The following NRG1 variants were observed in gnomAD, a reference collection of about 807,000 sequenced individuals.
The protein encoded by NRG1 is neuregulin 1.
A neutral mutation model predicts 63.8 loss-of-function variants in NRG1; 18 were observed. That is an observed-to-expected ratio of 0.28 (90% CI 0.19 to 0.42). The LOEUF (loss-of-function observed/expected upper bound fraction) is 0.42, where lower values mean the gene tolerates loss of function less well. Among genes scored for constraint, NRG1 ranks in the 10% least tolerant of loss-of-function variants. The probability of loss-of-function intolerance (pLI) is 1.00; values close to 1 mark genes in which losing one functional copy is unlikely to be tolerated. For synonymous variants in NRG1, 302 were observed against 301.3 expected, an observed-to-expected ratio of 1.00 and a Z score of -0.02; for missense variants, 762 against 814.7, an observed-to-expected ratio of 0.94 and a Z score of 0.79.
chr8:31,643,095 GA>G (rs1039952268), intron 1 of NRG1, among the ~76,000 whole-genome samples: 2 of 152,040 alleles, frequency 1.3e-5, no homozygotes, highest in Non-Finnish European at 2.9e-5. Flanking sequence ...CAGAAAAATG[GA>G]AAAGAGAGAG....
chr8:32,242,432 C>T (rs1848197301), intron 1 of NRG1, among the ~76,000 whole-genome samples: 1 of 152,046 alleles, frequency 6.6e-6, no homozygotes, highest in Non-Finnish European at 1.5e-5. Flanking sequence ...CGAGATCGTG[C>T]AATTGCACTC....
At chr8:32,558,882 C>G (rs1056200183) in intron 1 of NRG1, among the ~76,000 whole-genome samples, 7 of 151,720 alleles carry the variant, frequency 4.6e-5, no homozygotes, top group Admixed American at 3.9e-4. Flanking sequence ...GGATTCAAGA[C>G]CAGCCTGGGC....
At chr8:32,500,455 C>T (rs762230258) in intron 1 of NRG1, among the ~76,000 whole-genome samples, 12 of 152,240 alleles carry the variant, frequency 7.9e-5, no homozygotes, top group Admixed American at 2.0e-4. Flanking sequence ...GCTTTGTAAG[C>T]GTTGGTGCCA....
At chr8:32,212,527 A>G (rs2035632) in intron 1 of NRG1, among the ~76,000 whole-genome samples, 121,874 of 152,072 alleles carry the variant, frequency 0.8, 49,585 homozygotes, top group African/African-American at 0.92. Context: ...GTGGTCAGTA[A>G]GTACCATATT....
At chr8:32,212,746 C>T (rs117927375) in intron 1 of NRG1, among the ~76,000 whole-genome samples, 1 of 152,088 alleles carries the variant, frequency 6.6e-6, no homozygotes, top group Admixed American at 6.5e-5. Context: ...TACTTGAAAT[C>T]AACATTCCAG....
At chr8:32,583,548 C>G (rs1266658351) in intron 1 of NRG1, among the ~76,000 whole-genome samples, 1 of 152,166 alleles carries the variant, frequency 6.6e-6, no homozygotes, top group Non-Finnish European at 1.5e-5. Context: ...AAAGATACTT[C>G]TAGTAGAGTG....
chr8:32,648,344 A>G (rs1854152838), intron 5 of NRG1: 1 of 1,614,028 alleles, frequency 6.2e-7, no homozygotes, highest in South Asian at 1.1e-5. Context: ...CAACTCAGCC[A>G]CAAACAACAG....
chr8:32,746,735 A>G (rs1244623362), intron 7 of NRG1, among the ~76,000 whole-genome samples: 1 of 152,154 alleles, frequency 6.6e-6, no homozygotes, highest in Non-Finnish European at 1.5e-5. Flanking sequence ...TTTAATTTGA[A>G]AAATGTAGTG....
chr8:32,390,703 C>T (rs1336366005), intron 1 of NRG1, among the ~76,000 whole-genome samples: 12 of 152,106 alleles, frequency 7.9e-5, no homozygotes, highest in Non-Finnish European at 1.8e-4. Context: ...ACAATGCCCA[C>T]GTCCTCCATC....
At chr8:31,998,148 C>G (rs1238038001) in intron 1 of NRG1, among the ~76,000 whole-genome samples, 1 of 151,894 alleles carries the variant, frequency 6.6e-6, no homozygotes, top group Admixed American at 6.6e-5. Context: ...AGGATGGCTC[C>G]CCATTGGGTA....
intron 1 of NRG1, among the ~76,000 whole-genome samples, chr8:32,585,338 G>A (rs1193137568): frequency 1.3e-5 from 2 of 152,160 alleles, no homozygotes; most frequent in African/African-American, 4.8e-5. Flanking sequence ...TTTCAGTGAA[G>A]CTTGCTGGAC....
At chr8:32,626,988 C>T (rs1849418754) in intron 5 of NRG1, among the ~76,000 whole-genome samples, 1 of 151,868 alleles carries the variant, frequency 6.6e-6, no homozygotes, top group Non-Finnish European at 1.5e-5. Flanking sequence ...CCACTGCACT[C>T]TGGCCTGGGT....
intron 1 of NRG1, among the ~76,000 whole-genome samples, chr8:32,385,062 C>G (rs1259616029): frequency 1.3e-5 from 2 of 152,216 alleles, no homozygotes; most frequent in Non-Finnish European, 2.9e-5. Context: ...CTCTGTCACC[C>G]AGGCTGGAGT....
intron 1 of NRG1, among the ~76,000 whole-genome samples, chr8:32,305,897 T>C (rs1382840823): frequency 6.6e-6 from 1 of 152,220 alleles, no homozygotes; most frequent in African/African-American, 2.4e-5. Context: ...AGGCAGTCTT[T>C]GGTTCTCATC....
chr8:32,463,582 C>A (rs769846568), intron 1 of NRG1, among the ~76,000 whole-genome samples: 5 of 152,016 alleles, frequency 3.3e-5, no homozygotes, highest in Non-Finnish European at 5.9e-5. Flanking sequence ...GTGGCTTATG[C>A]CTGGAACCAT....
At chr8:32,126,271 G>A (rs1834054940) in intron 1 of NRG1, among the ~76,000 whole-genome samples, 1 of 151,864 alleles carries the variant, frequency 6.6e-6, no homozygotes, top group Non-Finnish European at 1.5e-5. Context: ...ATGATAGAAT[G>A]TGTAACCACT....
At chr8:32,068,349 C>T (rs1310628926) in intron 1 of NRG1, among the ~76,000 whole-genome samples, 1 of 152,092 alleles carries the variant, frequency 6.6e-6, no homozygotes, top group Non-Finnish European at 1.5e-5. Context: ...GGTGAAGAAA[C>T]CTGGACATGA....
intron 1 of NRG1, among the ~76,000 whole-genome samples, chr8:32,015,367 T>G (rs988343950): frequency 2.0e-5 from 3 of 152,166 alleles, no homozygotes. Flanking sequence ...CTTAGTTTCC[T>G]GGAAACCAAA....
intron 1 of NRG1, among the ~76,000 whole-genome samples, chr8:32,090,047 A>T (rs1828873686): frequency 6.6e-6 from 1 of 152,196 alleles, no homozygotes; most frequent in South Asian, 2.1e-4. Context: ...AAGCTCTTGT[A>T]TATTGACAAG....
Sources: gnomAD v4.1 joint callset for allele counts (sites outside exome capture counted in the v4.1 genomes callset) on GRCh38, gnomAD v4.1.1 for gene constraint, MANE v1.5 for transcripts, NCBI Gene and HGNC (gene_info 2026-07-23, HGNC 2026-07-21) for gene names.